Variants in SLC9C2 observed in about 807,000 individuals in gnomAD.
SLC9C2 encodes solute carrier family 9 member C2 (putative).
In SLC9C2, 75 loss-of-function variants were observed where a neutral mutation model predicts 140.2. That is an observed-to-expected ratio of 0.53 (90% CI 0.44 to 0.65). The LOEUF (loss-of-function observed/expected upper bound fraction) is 0.65. Among genes scored for constraint, SLC9C2 ranks in the 30% least tolerant of loss-of-function variants. The pLI is 0.00. For synonymous variants in SLC9C2, 375 were observed against 420.9 expected (o/e 0.89, Z 1.34); for missense variants, 1,074 against 1,331.8 (o/e 0.81, Z 3.01).
intron 3 of SLC9C2, among the ~76,000 whole-genome samples, chr1:173,598,809 T>C (rs1666590015): frequency 6.6e-6 from 1 of 152,158 alleles, no homozygotes; most frequent in South Asian, 2.1e-4. Flanking sequence ...GTAAACACTC[T>C]AAAGATGTCA....
intron 7 of SLC9C2, among the ~76,000 whole-genome samples, chr1:173,577,274 A>G (rs1393398997): frequency 6.6e-6 from 1 of 152,230 alleles, no homozygotes; most frequent in Non-Finnish European, 1.5e-5. Context: ...TCCTTTAAGC[A>G]TCTCAGAAAT....
intron 18 of SLC9C2, 21 bp downstream of exon 18, chr1:173,529,884 T>A: frequency 1.9e-6 from 3 of 1,594,456 alleles, no homozygotes; most frequent in Admixed American, 1.8e-5. Flanking sequence ...TCTCCCCAAA[T>A]GACCAGTGCT....
chr1:173,585,295 C>T (rs1665783795), intron 5 of SLC9C2, among the ~76,000 whole-genome samples: 2 of 152,032 alleles, frequency 1.3e-5, no homozygotes, highest in Admixed American at 6.6e-5. Flanking sequence ...AGATGGGCAC[C>T]TCATCAAAAG....
At chr1:173,571,846 C>T (rs911697154) in intron 9 of SLC9C2, 8 of 152,070 alleles carry the variant, frequency 5.3e-5, no homozygotes, top group African/African-American at 1.9e-4. Flanking sequence ...TGTTTTAAAA[C>T]CTACTGATAA....
chr1:173,576,678 G>A lies in SLC9C2; in HGVS notation c.885C>T (p.Ile295=), dbSNP rs780602044. Reference sequence around the variant, plus strand: ...AAACTTACTTAGTAATTACAAGTTCGATCTTCGGTTTAAAAGTTAAAGAAT... The same window carrying A: ...AAACTTACTTAGTAATTACAAGTTCAATCTTCGGTTTAAAAGTTAAAGAAT... ...NLDSLTFKPK[I]ELVITKFLRI... The change falls in exon 8 of 28, where the codon ATC becomes ATT. Residue 295 remains isoleucine (I), a synonymous_variant. Transcript: ENST00000367714. 4.3e-6 allele frequency: 7 copies of A among 1,610,770 alleles called. No individual in the cohort carries two copies. The highest frequency in any genetic ancestry group is 3.3e-4 in the Middle Eastern group (2 of 6,042).
At chr1:173,524,685 G>T in intron 20 of SLC9C2, 94 bp downstream of exon 20, 6 of 1,412,240 alleles carry the variant, frequency 4.2e-6, no homozygotes, top group Non-Finnish European at 5.8e-6. Context: ...AACACCTGTG[G>T]TTAAACAATT....
At position 173,500,515 on chromosome 1, in the gene SLC9C2, G is replaced by T. The variant is rs1420073889; in HGVS notation, c.*579C>A. Reference sequence around the variant, plus strand: ...TTGATTTTTAAAAATAAAATGAAAGGTGACATCAAACAGTACTATGCAATA... The same window carrying T: ...TTGATTTTTAAAAATAAAATGAAAGTTGACATCAAACAGTACTATGCAATA... On this transcript the variant is annotated 3_prime_UTR_variant, in exon 28 of 28. Transcript: ENST00000367714. 1 of 152,196 alleles carries T rather than the reference G, an allele frequency of 6.6e-6. No homozygotes were observed. Among genetic ancestry groups the T allele is most frequent in the East Asian group, 1.9e-4 (1 of 5,186 alleles). 9.4% of individuals were successfully genotyped at this position (152,196 alleles called of 1,614,324 possible).
In SLC9C2 at chr1:173,540,869, G is replaced by A. The variant is rs189990471; in HGVS notation, c.1558-3830C>T. 6.6e-5 allele frequency among the ~76,000 whole-genome samples: 10 copies of A among 152,202 alleles called. No individual in the cohort carries two copies. The East Asian group carries it at 1.9e-3, about 29-fold the overall frequency. The stretch of plus-strand genomic sequence containing the variant: ...ATGTTTCTCGTCTATGGTTTCTACA[G>A]CTGGCAAAGATCTAAGAGTAAAGAC... On this transcript the variant is annotated intron_variant, in intron 13 of 27. Transcript: ENST00000367714.
At chr1:173,563,132 G>C (rs918949893) in intron 9 of SLC9C2, among the ~76,000 whole-genome samples, 1 of 151,542 alleles carries the variant, frequency 6.6e-6, no homozygotes, top group Non-Finnish European at 1.5e-5. Context: ...GGAAGGACCT[G>C]AAGAAACAAG....
rs1666528720 is a variant in SLC9C2, at chr1:173,597,833, T to C, written c.357+71A>G. 21 of 1,393,302 alleles carry C rather than the reference T, an allele frequency of 1.5e-5. No homozygotes were observed. In the South Asian group the frequency reaches 3.0e-4, roughly 20 times the overall value. The allele number at this position is 1,393,302 out of a possible 1,614,324, so 86.3% of individuals were successfully genotyped here. On this transcript the variant is annotated intron_variant, in intron 4 of 27. Coordinates refer to ENST00000367714, the MANE Select transcript of SLC9C2 (RefSeq NM_178527.4). ...TTTTGTGAATTATTAATCATCTATA[T>C]AGGCAGCCATATTCTCTATCAACGT... is the stretch of plus-strand genomic sequence containing the variant.
chr1:173,591,286 G>C (rs545396700), intron 4 of SLC9C2, among the ~76,000 whole-genome samples: 1 of 152,204 alleles, frequency 6.6e-6, no homozygotes, highest in South Asian at 2.1e-4. Context: ...ATTGATGGGC[G>C]TTAAGTTGAT....
chr1:173,600,389 CTG>C (rs374019023), intron 2 of SLC9C2, among the ~76,000 whole-genome samples, 172 bp from the exon 3 acceptor site: 16 of 151,398 alleles, frequency 1.1e-4, no homozygotes, highest in African/African-American at 3.4e-4. Context: ...TTGGTAGAAA[CTG>C]TACTTTGAGT....
chr1:173,524,198 A>T, intron 20 of SLC9C2, 104 bp from the exon 21 acceptor site: 1 of 1,113,654 alleles, frequency 9.0e-7, no homozygotes, highest in Non-Finnish European at 1.2e-6. Flanking sequence ...AGGCAAGTTT[A>T]ACCTTGATTG....
Position 173,587,654 on chromosome 1 carries a change from A to G in SLC9C2, c.523+11T>C, listed in dbSNP as rs1553259544. 3.1e-6 allele frequency: 5 copies of G among 1,599,882 alleles called. 1 individual carries two copies. The highest frequency in any genetic ancestry group is 1.7e-5 in the Admixed American group (1 of 57,810). The stretch of plus-strand genomic sequence containing the variant: ...TTTTCAAGATAAGAGAGAGAAATAA[A>G]TGTGACATACCAATAGTTTTTAGTG... On this transcript the variant is annotated intron_variant, in intron 5 of 27. Coordinates refer to ENST00000367714, the MANE Select transcript of SLC9C2 (RefSeq NM_178527.4).
At position 173,581,997 on chromosome 1, in the gene SLC9C2, C is replaced by T. The variant is rs534480790; in HGVS notation, c.652G>A (p.Gly218Ser). 6.5e-6 allele frequency: 10 copies of T among 1,540,034 alleles called. No individual in the cohort carries two copies. In the East Asian group the frequency reaches 2.1e-4, roughly 32 times the overall value. ...HFSIFRDLHV[G>S]IELSYDILGS... is the part of the protein sequence containing the mutation. ...AAAATGTCATAGCTGAGTTCAATGC[C>T]TACATGTAAATCTAAAAAAAAGAAA... The change falls in exon 7 of 28, where the codon GGC becomes AGC. Residue 218 changes from glycine (G) to serine (S), a missense_variant. Gly to Ser is a moderately conservative substitution (Grantham distance 56). Coordinates refer to ENST00000367714, the MANE Select transcript of SLC9C2 (RefSeq NM_178527.4).
At chr1:173,536,074 A>G (rs557913604) in intron 14 of SLC9C2, 125 bp from the exon 15 acceptor site, 1 of 747,008 alleles carries the variant, frequency 1.3e-6, no homozygotes, top group South Asian at 1.9e-5. Context: ...GCTCAGTCTC[A>G]TGCCTCTGCA....
intron 4 of SLC9C2, 100 bp from the exon 5 acceptor site, chr1:173,587,930 A>AACATT: frequency 8.0e-6 from 7 of 878,134 alleles, no homozygotes; most frequent in East Asian, 2.5e-5. Context: ...TGTAAATGTT[A>AACATT]TACAATTACC....
rs1666540181 is a variant in SLC9C2 at position 173,598,033 on chromosome 1, C to CT, written c.229-2dup. 4 of 1,578,394 alleles carry CT rather than the reference C, an allele frequency of 2.5e-6. No individual in the cohort carries two copies. The highest frequency in any genetic ancestry group is 3.4e-6 in the Non-Finnish European group (4 of 1,164,928). On this transcript the variant is annotated splice_acceptor_variant, in intron 3 of 27. Coordinates refer to ENST00000367714, the MANE Select transcript of SLC9C2 (RefSeq NM_178527.4). LOFTEE classifies it high-confidence loss of function. ...GAAGAGGGTAGACAATTTGGTGCAC[C>CT]TAAAGTAACAAAGGCAAACAAGAAA... is the stretch of plus-strand genomic sequence containing the variant.
chr1:173,553,830 T>C (rs1251862325), intron 11 of SLC9C2, among the ~76,000 whole-genome samples: 1 of 152,204 alleles, frequency 6.6e-6, no homozygotes, highest in Non-Finnish European at 1.5e-5. Flanking sequence ...TGTAAATCTC[T>C]AGTAGTCTGA....
Sources: allele counts gnomAD v4.1 joint callset (sites outside exome capture counted in the v4.1 genomes callset), GRCh38; gene constraint gnomAD v4.1.1; transcripts MANE v1.5; gene names NCBI Gene and HGNC (gene_info 2026-07-23, HGNC 2026-07-21).